ANAPC7: variants seen among roughly 807,000 people sequenced by gnomAD.
The protein encoded by ANAPC7 is anaphase-promoting complex subunit 7.
ANAPC7 carries 25 observed loss-of-function variants against 63.3 expected under a neutral mutation model. The observed-to-expected ratio is 0.39, with a 90% confidence interval of 0.29 to 0.55. The LOEUF is 0.55. Ranked by LOEUF, ANAPC7 falls within the 20% of genes least tolerant of loss-of-function variation. ANAPC7 has a pLI of 0.57. For synonymous variants in ANAPC7, 241 were observed against 251.7 expected (o/e 0.96, Z 0.40); for missense variants, 516 against 691.7 (o/e 0.75, Z 2.85).
At chr12:110,402,352 C>T (rs1266650700) in intron 1 of ANAPC7, among the ~76,000 whole-genome samples, 1 of 147,038 alleles carries the variant, frequency 6.8e-6, no homozygotes, top group Non-Finnish European at 1.5e-5. Flanking sequence ...TTTTTTGAGA[C>T]GGAGTCTCGC....
At chr12:110,377,798 C>A in intron 8 of ANAPC7, 181 bp from the exon 9 acceptor site, 1 of 1,437,554 alleles carries the variant, frequency 7.0e-7, no homozygotes, top group South Asian at 1.5e-5. Flanking sequence ...AGTGCTCTTC[C>A]CCAGAGAACT....
rs1489135672 is a variant in ANAPC7 at position 110,374,211 on chromosome 12, T to TC, written c.1630dup (p.Asp544GlyfsTer8). 6.2e-7 allele frequency: 1 copy of TC among 1,613,992 alleles called. No homozygotes were observed. On this transcript the variant is annotated frameshift_variant, in exon 11 of 11. Coordinates refer to ENST00000455511, the MANE Select transcript of ANAPC7 (RefSeq NM_016238.3). LOFTEE classifies it high-confidence loss of function. ...CGCCTCACTGTCGCTGCCCTCCAGG[T>TC]CCCCTTCTTCCCCACTCCCTTCCAT...
intron 10 of ANAPC7, 40 bp downstream of exon 10, chr12:110,376,026 C>A: frequency 1.3e-6 from 2 of 1,582,954 alleles, no homozygotes; most frequent in Non-Finnish European, 1.7e-6. Context: ...CCTCCTCTAC[C>A]CTCCTCAGTG....
At chr12:110,377,808 T>G (rs555571074) in intron 8 of ANAPC7, 191 bp from the exon 9 acceptor site, 3 of 1,430,388 alleles carry the variant, frequency 2.1e-6, no homozygotes, top group Non-Finnish European at 2.7e-6. Context: ...CCCAGAGAAC[T>G]TGATGGATGT....
chr12:110,374,829 C>T (rs1275082354), intron 10 of ANAPC7, among the ~76,000 whole-genome samples: 1 of 152,206 alleles, frequency 6.6e-6, no homozygotes, highest in Non-Finnish European at 1.5e-5. Flanking sequence ...ATGGAACAGA[C>T]TTGTAAACAC....
At position 110,373,990 on chromosome 12, in the gene ANAPC7, T is replaced by C. The variant is rs748820672; in HGVS notation, c.*154A>G. The stretch of plus-strand genomic sequence containing the variant: ...GTCAGGCTCTGTTTTAGAAATGAAG[T>C]CACGACTAGGAATTGGGAGCGAGGG... On this transcript the variant is annotated 3_prime_UTR_variant, in exon 11 of 11. Transcript: ENST00000455511. 6.1e-6 allele frequency: 5 copies of C among 814,420 alleles called. No individual in the cohort carries two copies. Among genetic ancestry groups the C allele is most frequent in the Non-Finnish European group, 9.0e-6 (5 of 552,868 alleles). The allele number at this position is 814,420 out of a possible 1,614,324, so 50.4% of individuals were successfully genotyped here.
intron 3 of ANAPC7, among the ~76,000 whole-genome samples, chr12:110,393,067 T>A (rs1883240188): frequency 6.6e-6 from 1 of 152,152 alleles, no homozygotes; most frequent in South Asian, 2.1e-4. Flanking sequence ...AGTGCTGGGA[T>A]TACAGGCATG....
intron 1 of ANAPC7, among the ~76,000 whole-genome samples, chr12:110,401,983 C>G (rs953704208): frequency 7.3e-6 from 1 of 137,150 alleles, no homozygotes; most frequent in African/African-American, 2.7e-5. Context: ...AAAGACCAGA[C>G]TGGTCAATAT....
intron 3 of ANAPC7, among the ~76,000 whole-genome samples, chr12:110,394,283 G>C (rs989455286): frequency 1.3e-5 from 2 of 152,000 alleles, no homozygotes; most frequent in South Asian, 4.1e-4. Flanking sequence ...TTGAGCCCAG[G>C]AGTTTGAGAC....
rs143538351 is a variant in ANAPC7 at position 110,399,319 on chromosome 12, C to T, written c.102-2867G>A. On this transcript the variant is annotated intron_variant, in intron 1 of 10. Transcript: ENST00000455511. ...ACAGGCGTGAGCCACTGCGCCCAGC[C>T]GAGTCGAATAATTCTGTAGATAGTT... 5.6e-3 allele frequency among the ~76,000 whole-genome samples: 856 copies of T among 151,850 alleles called. 4 individuals carry two copies. The highest frequency in any genetic ancestry group is 0.01 in the Middle Eastern group (3 of 294).
At chr12:110,387,711 A>C in intron 5 of ANAPC7, 28 bp downstream of exon 5, 8 of 1,586,238 alleles carry the variant, frequency 5.0e-6, no homozygotes, top group Non-Finnish European at 6.9e-6. Context: ...GGGCCTCAAG[A>C]ACACTGAATT....
At chr12:110,398,485 G>T (rs2062175913) in intron 1 of ANAPC7, among the ~76,000 whole-genome samples, 3 of 151,960 alleles carry the variant, frequency 2.0e-5, no homozygotes, top group African/African-American at 2.4e-5. Flanking sequence ...AGGGATTTCA[G>T]GACAGTGTAA....
At chr12:110,396,580 G>A (rs771120525) in intron 1 of ANAPC7, 128 bp from the exon 2 acceptor site, 8 of 659,902 alleles carry the variant, frequency 1.2e-5, no homozygotes, top group Middle Eastern at 4.5e-4. Context: ...GCACGATCTC[G>A]GCTCACTGCA....
Position 110,396,379 on chromosome 12 carries a change from A to G in ANAPC7, c.175T>C (p.Tyr59His), listed in dbSNP as rs1231869576. ...HADSLFHDKE[Y>H]RNAVSKYTMA... ...GTATACTTACTCACAGCATTCCGAT[A>G]TTCCTTATCATGAAAGAGAGAATCT... The change falls in exon 2 of 11, where the codon TAT becomes CAT. Residue 59 changes from tyrosine (Y) to histidine (H), a missense_variant. Physicochemically the swap from Tyr to His is moderately conservative, Grantham distance 83. This residue lies in a region of ANAPC7 where 185 missense variants were observed against 200.3 expected (regional missense o/e 0.92). Coordinates refer to ENST00000455511, the MANE Select transcript of ANAPC7 (RefSeq NM_016238.3). The G allele has an allele frequency of 3.7e-6, 6 of 1,613,994 alleles. No individual in the cohort carries two copies. The highest frequency in any genetic ancestry group is 1.6e-4 in the Middle Eastern group (1 of 6,062).
In ANAPC7 at chr12:110,403,585, GC is replaced by G; in HGVS notation, c.42del (p.Leu15CysfsTer15). ...IDHVRDMAAA[G>X]LHSNVRLLSS... is the part of the protein sequence containing the mutation. ...CTGAGGAGCCGCACGTTGGAGTGCA[GC>G]CCCGCGGCCGCCATGTCCCGCACGT... On this transcript the variant is annotated frameshift_variant, in exon 1 of 11. Coordinates refer to ENST00000455511, the MANE Select transcript of ANAPC7 (RefSeq NM_016238.3). LOFTEE classifies it high-confidence loss of function. 1 of 1,608,594 alleles carries G rather than the reference GC, an allele frequency of 6.2e-7. No homozygotes were observed. The highest frequency in any genetic ancestry group is 8.5e-7 in the Non-Finnish European group (1 of 1,178,002).
intron 8 of ANAPC7, chr12:110,379,065 T>C (rs1248962436): frequency 6.6e-6 from 1 of 151,934 alleles, no homozygotes; most frequent in Non-Finnish European, 1.5e-5. Flanking sequence ...GTTCACCATG[T>C]TGGCTAGGCT....
In ANAPC7 at chr12:110,386,345, C is replaced by A. The variant is rs766327105; in HGVS notation, c.799G>T (p.Asp267Tyr). The change falls in exon 6 of 11, where the codon GAT becomes TAT. Residue 267 changes from aspartate (D) to tyrosine (Y), a missense_variant. This residue lies in a region of ANAPC7 where 199 missense variants were observed against 249.3 expected (regional missense o/e 0.80). Transcript: ENST00000455511. ...VLKFEQAQMLDPYLIKGMDVY... is the reference protein window; with the variant it reads ...VLKFEQAQMLYPYLIKGMDVY... Reference sequence around the variant, plus strand: ...TACTTACCTTTTATCAGATAAGGATCCAACATCTGTGCCTGTTCAAACTTG... The same window carrying A: ...TACTTACCTTTTATCAGATAAGGATACAACATCTGTGCCTGTTCAAACTTG... The A allele has an allele frequency of 7.4e-6, 12 of 1,614,048 alleles. No individual in the cohort carries two copies. The South Asian group carries it at 1.3e-4, about 18-fold the overall frequency.
intron 1 of ANAPC7, among the ~76,000 whole-genome samples, chr12:110,396,953 C>T (rs1427002186): frequency 6.6e-6 from 1 of 152,222 alleles, no homozygotes; most frequent in East Asian, 1.9e-4. Flanking sequence ...CCTGTAATCC[C>T]AGCACTTTGG....
intron 3 of ANAPC7, 149 bp downstream of exon 3, chr12:110,394,952 C>T (rs753757514): frequency 1.2e-4 from 102 of 855,306 alleles, no homozygotes; most frequent in Non-Finnish European, 1.7e-4. Flanking sequence ...TTTCAGGGTC[C>T]CCCACCCCCA....
Sources: allele counts gnomAD v4.1 joint callset (sites outside exome capture counted in the v4.1 genomes callset), GRCh38; gene constraint gnomAD v4.1.1; regional missense constraint gnomAD v4.1.1; transcripts MANE v1.5; gene names NCBI Gene and HGNC (gene_info 2026-07-23, HGNC 2026-07-21).